FLI1: variants seen among roughly 807,000 people sequenced by gnomAD.
FLI1 encodes the protein Friend leukemia integration 1 transcription factor.
FLI1 carries 13 observed loss-of-function variants against 53.1 expected under a neutral mutation model. The ratio of observed to expected loss-of-function variants is 0.24; its 90% confidence interval spans 0.16 to 0.39. The LOEUF (loss-of-function observed/expected upper bound fraction) is 0.39, where lower values mean the gene tolerates loss of function less well. Among genes scored for constraint, FLI1 ranks in the 10% least tolerant of loss-of-function variants. FLI1 has a pLI of 1.00. For synonymous variants in FLI1, 244 were observed against 236.7 expected, an observed-to-expected ratio of 1.03 and a Z score of -0.28; for missense variants, 424 against 600.5, an observed-to-expected ratio of 0.71 and a Z score of 3.07.
chr11:128,693,442 C>G (rs1406485300), upstream of FLI1: 1 of 164,404 alleles, frequency 6.1e-6, no homozygotes, highest in African/African-American at 2.4e-5. Flanking sequence ...TGGTTTGCCT[C>G]GGTTTTCGTC....
intron 1 of FLI1, among the ~76,000 whole-genome samples, chr11:128,745,328 C>T (rs930795805): frequency 2.6e-5 from 4 of 152,146 alleles, no homozygotes; most frequent in African/African-American, 7.2e-5. Flanking sequence ...TGCGCAGAGA[C>T]GGCCCTGGCT....
chr11:128,758,340 G>A lies in FLI1; in HGVS notation c.230+14G>A. ...GAATGGATCCAGGTAAGCTCACCAG[G>A]CCTGTGCAGGATTGGGGGAAGGCAC... On this transcript the variant is annotated intron_variant, in intron 2 of 8. Coordinates refer to ENST00000527786, the MANE Select transcript of FLI1 (RefSeq NM_002017.5). 6.2e-7 allele frequency: 1 copy of A among 1,608,152 alleles called. No individual in the cohort carries two copies. Among genetic ancestry groups the A allele is most frequent in the Non-Finnish European group, 8.5e-7 (1 of 1,176,060 alleles).
At chr11:128,692,363 G>A (rs1428697000), upstream of FLI1, among the ~76,000 whole-genome samples, 1 of 152,132 alleles carries the variant, frequency 6.6e-6, no homozygotes, top group Non-Finnish European at 1.5e-5. Context: ...TCCCAGGGGA[G>A]CCCCGGAGCA....
intron 1 of FLI1, among the ~76,000 whole-genome samples, chr11:128,730,358 A>G (rs1939644545): frequency 6.6e-6 from 1 of 152,218 alleles, no homozygotes; most frequent in Admixed American, 6.5e-5. Context: ...TCAGCCTCTC[A>G]GTAGCTGCGC....
At chr11:128,791,119 C>T (rs1490354322) in intron 5 of FLI1, among the ~76,000 whole-genome samples, 1 of 152,132 alleles carries the variant, frequency 6.6e-6, no homozygotes, top group Non-Finnish European at 1.5e-5. Flanking sequence ...CATCCCGATT[C>T]AGCTCTGTGG....
intron 1 of FLI1, among the ~76,000 whole-genome samples, chr11:128,699,665 G>T (rs1938238234): frequency 6.6e-6 from 1 of 152,186 alleles, no homozygotes; most frequent in Non-Finnish European, 1.5e-5. Flanking sequence ...ATATCATTAA[G>T]TGATGTCACT....
intron 8 of FLI1, 62 bp downstream of exon 8, chr11:128,809,266 C>G: frequency 1.4e-6 from 2 of 1,419,094 alleles, no homozygotes; most frequent in East Asian, 4.5e-5. Context: ...TGTGAAATCA[C>G]AGAGACTTCT....
chr11:128,721,338 G>A (rs1175271429), intron 1 of FLI1, among the ~76,000 whole-genome samples: 1 of 152,166 alleles, frequency 6.6e-6, no homozygotes, highest in African/African-American at 2.4e-5. Flanking sequence ...GAATGGAGGC[G>A]AAGACAGACG....
chr11:128,732,289 C>T (rs1033471747), intron 1 of FLI1, among the ~76,000 whole-genome samples: 11 of 152,182 alleles, frequency 7.2e-5, no homozygotes, highest in African/African-American at 2.7e-4. Context: ...TAGAACCGTG[C>T]ATCTTAAAAA....
chr11:128,739,870 G>A (rs1233247087), intron 1 of FLI1, among the ~76,000 whole-genome samples: 1 of 152,166 alleles, frequency 6.6e-6, no homozygotes, highest in Non-Finnish European at 1.5e-5. Context: ...GGCCTTAATT[G>A]CATGGAAATA....
In FLI1 at chr11:128,809,145, T is replaced by C. The variant is rs1284391775; in HGVS notation, c.782-12T>C. The C allele has an allele frequency of 3.1e-6, 5 of 1,613,022 alleles. No homozygotes were observed. The highest frequency in any genetic ancestry group is 3.3e-5 in the Admixed American group (2 of 59,948). On this transcript the variant is annotated splice_polypyrimidine_tract_variant and intron_variant, in intron 7 of 8. Transcript: ENST00000527786. Reference sequence around the variant, plus strand: ...AAAACACTGAAGCAAATTTCCTTTTTTATTTCCTTAGATCCGTATCAGATC... The same window carrying C: ...AAAACACTGAAGCAAATTTCCTTTTCTATTTCCTTAGATCCGTATCAGATC...
intron 5 of FLI1, among the ~76,000 whole-genome samples, chr11:128,792,082 C>T (rs1037362588): frequency 2.6e-5 from 4 of 152,242 alleles, no homozygotes; most frequent in African/African-American, 7.2e-5. Context: ...CACATTTATC[C>T]TTCATAAAAC....
intron 4 of FLI1, among the ~76,000 whole-genome samples, chr11:128,773,696 G>A (rs1040299056): frequency 6.6e-6 from 1 of 151,308 alleles, no homozygotes; most frequent in Non-Finnish European, 1.5e-5. Context: ...AATATACACA[G>A]AGCAGAAGAA....
rs992129665 is a variant in FLI1 at position 128,758,237 on chromosome 11, G to T, written c.141G>T (p.Lys47Asn). 1.9e-6 allele frequency: 3 copies of T among 1,613,504 alleles called. No homozygotes were observed. In the Admixed American group the frequency reaches 5.0e-5, roughly 27 times the overall value. The change falls in exon 2 of 9, where the codon AAG becomes AAT. Residue 47 changes from lysine to asparagine, a missense_variant. Lys to Asn is a moderately conservative substitution (Grantham distance 94). Transcript: ENST00000527786. ...SGSPDYGQPH[K>N]INPLPPQQEW... ...GTCCTGACTACGGGCAGCCCCACAA[G>T]ATCAACCCCCTCCCACCACAGCAGG...
chr11:128,726,653 G>T (rs1481664939), intron 1 of FLI1, among the ~76,000 whole-genome samples: 1 of 151,652 alleles, frequency 6.6e-6, no homozygotes. Flanking sequence ...TATAGGAAAG[G>T]CAGGCCATCC....
At chr11:128,761,200 C>T (rs920068515) in intron 2 of FLI1, among the ~76,000 whole-genome samples, 1 of 152,196 alleles carries the variant, frequency 6.6e-6, no homozygotes, top group Non-Finnish European at 1.5e-5. Flanking sequence ...CTCAGAATCT[C>T]TTCCCCTGAG....
chr11:128,694,424 C>A (rs765637863), intron 1 of FLI1, 148 bp downstream of exon 1: 4 of 616,748 alleles, frequency 6.5e-6, no homozygotes, highest in South Asian at 7.9e-5. Context: ...CTCCGGCGCT[C>A]GGGTGGCGAG....
chr11:128,692,309 C>G (rs984579452), upstream of FLI1, among the ~76,000 whole-genome samples: 4 of 152,208 alleles, frequency 2.6e-5, no homozygotes, highest in South Asian at 8.3e-4. Flanking sequence ...TGGCCCCAGG[C>G]AAAGGGGGGG....
chr11:128,752,087 T>C (rs796777426), intron 1 of FLI1, among the ~76,000 whole-genome samples: 5 of 151,988 alleles, frequency 3.3e-5, no homozygotes, highest in African/African-American at 9.6e-5. Context: ...TCGATTCTCC[T>C]GCCTCAGCCT....
Sources: allele counts gnomAD v4.1 joint callset (sites outside exome capture counted in the v4.1 genomes callset), GRCh38; gene constraint gnomAD v4.1.1; transcripts MANE v1.5; gene names NCBI Gene and HGNC (gene_info 2026-07-23, HGNC 2026-07-21).